FBXO33: variants seen among roughly 807,000 people sequenced by gnomAD.
FBXO33 encodes F-box protein 33.
FBXO33 carries 22 observed loss-of-function variants against 46.3 expected under a neutral mutation model. The ratio of observed to expected loss-of-function variants is 0.48; its 90% CI spans 0.34 to 0.68. The LOEUF (loss-of-function observed/expected upper bound fraction) is 0.68, where lower values mean the gene tolerates loss of function less well. Ranked by LOEUF, FBXO33 falls within the 30% of genes least tolerant of loss-of-function variation. The pLI, the probability that FBXO33 is intolerant of heterozygous loss-of-function variation, is 0.01. For synonymous variants in FBXO33, 337 were observed against 291.3 expected (o/e 1.16, Z -1.60); for missense variants, 692 against 708.8 (o/e 0.98, Z 0.27).
chr14:39,420,460 GC>G (rs2075476722), intron 1 of FBXO33, among the ~76,000 whole-genome samples: 2 of 152,200 alleles, frequency 1.3e-5, no homozygotes, highest in African/African-American at 2.4e-5. Context: ...GGAGGCCGGG[GC>G]GGGCGGATCA....
chr14:39,415,519 T>G (rs533794890), intron 1 of FBXO33, among the ~76,000 whole-genome samples: 27 of 152,338 alleles, frequency 1.8e-4, no homozygotes, highest in African/African-American at 5.8e-4. Flanking sequence ...CCATGTGGTA[T>G]ATATAATAGT....
chr14:39,407,671 T>A (rs967605882), intron 1 of FBXO33, among the ~76,000 whole-genome samples: 6 of 152,244 alleles, frequency 3.9e-5, no homozygotes, highest in Non-Finnish European at 8.8e-5. Flanking sequence ...ATTGCATGTC[T>A]ATATCACATT....
At chr14:39,411,335 G>C (rs1486456254) in intron 1 of FBXO33, among the ~76,000 whole-genome samples, 1 of 151,962 alleles carries the variant, frequency 6.6e-6, no homozygotes, top group South Asian at 2.1e-4. Context: ...CTCATGATCT[G>C]TATGCCTCGG....
At chr14:39,430,380 A>G (rs536615881) in intron 1 of FBXO33, among the ~76,000 whole-genome samples, 1 of 152,336 alleles carries the variant, frequency 6.6e-6, no homozygotes, top group Non-Finnish European at 1.5e-5. Context: ...ATACATATAT[A>G]TATATAACCT....
At chr14:39,410,472 A>C (rs1234414198) in intron 1 of FBXO33, among the ~76,000 whole-genome samples, 1 of 152,240 alleles carries the variant, frequency 6.6e-6, no homozygotes. Context: ...TATCAGAGAC[A>C]CTGACCTATA....
At chr14:39,401,101 G>T in intron 3 of FBXO33, 75 bp downstream of exon 3, 1 of 1,326,176 alleles carries the variant, frequency 7.5e-7, no homozygotes, top group Non-Finnish European at 1.0e-6. Flanking sequence ...ATAAAGGTCA[G>T]TGCTATCTCT....
intron 1 of FBXO33, among the ~76,000 whole-genome samples, chr14:39,405,687 C>T (rs1053243753): frequency 7.3e-5 from 11 of 151,712 alleles, no homozygotes; most frequent in African/African-American, 2.4e-4. Context: ...AAAGGGCAAA[C>T]CAACATTGTG....
chr14:39,399,736 G>C lies in FBXO33; in HGVS notation c.1448C>G (p.Ser483Cys). The C allele has an allele frequency of 1.2e-6, 2 of 1,611,862 alleles. No homozygotes were observed. The highest frequency in any genetic ancestry group is 1.7e-6 in the Non-Finnish European group (2 of 1,178,168). The change falls in exon 4 of 4, where the codon TCT becomes TGT. Residue 483 changes from serine (S) to cysteine (C), a missense_variant. Around this residue, in one of 3 missense-constraint regions of FBXO33, gnomAD observed 94 missense variants for 91.9 expected, o/e 1.02. Coordinates refer to ENST00000298097, the MANE Select transcript of FBXO33 (RefSeq NM_203301.4). ...NLIAIARLRG[S>C]DLKVLEVTEE... Reference sequence around the variant, plus strand: ...GGTGACTTCAAGCACTTTCAGATCAGAGCCCCGAAGACGAGCAATGGCAAT... The same window carrying C: ...GGTGACTTCAAGCACTTTCAGATCACAGCCCCGAAGACGAGCAATGGCAAT...
chr14:39,415,191 CTGGGAAGCCAAGG>C (rs964601786), intron 1 of FBXO33, among the ~76,000 whole-genome samples: 2 of 152,086 alleles, frequency 1.3e-5, no homozygotes, highest in African/African-American at 4.8e-5. Context: ...TCCAAGCACT[CTGGGAAGCCAAGG>C]TGAGGATCTC....
intron 1 of FBXO33, among the ~76,000 whole-genome samples, chr14:39,415,468 C>G (rs1021181355): frequency 6.6e-6 from 1 of 152,178 alleles, no homozygotes; most frequent in South Asian, 2.1e-4. Flanking sequence ...TGAATCATAA[C>G]AAAACAAGGT....
chr14:39,401,051 AG>A (rs1280050244), intron 3 of FBXO33, 124 bp downstream of exon 3: 1 of 873,038 alleles, frequency 1.1e-6, no homozygotes, highest in African/African-American at 1.7e-5. Flanking sequence ...AAAAAGCATA[AG>A]AATCTGTATA....
rs59546917 is a variant in FBXO33, at chr14:39,416,106, C to A, written c.600-13595G>T. Among the ~76,000 whole-genome samples the A allele has an allele frequency of 1.3e-5, 2 of 152,136 alleles. 1 individual carries two copies. Among genetic ancestry groups the A allele is most frequent in the South Asian group, 4.2e-4 (2 of 4,806 alleles). ...CATATGCTTTGTGTTATTTATTGTT[C>A]CTTTGTTTCATGTTGAAGAACTCCC... On this transcript the variant is annotated intron_variant, in intron 1 of 3. Transcript: ENST00000298097.
In FBXO33 at chr14:39,401,640, AGT is replaced by A. The variant is rs1417708967; in HGVS notation, c.930_931del (p.Leu311CysfsTer6). 6.2e-7 allele frequency: 1 copy of A among 1,614,086 alleles called. No individual in the cohort carries two copies. Among genetic ancestry groups the A allele is most frequent in the African/African-American group, 1.3e-5 (1 of 74,916 alleles). ...TGTAAAGTCACAAAAATCCAAGGCA[AGT>A]GAGTGCAGATTCACAAATCGCTCCA... On this transcript the variant is annotated frameshift_variant, in exon 3 of 4. Coordinates refer to ENST00000298097, the MANE Select transcript of FBXO33 (RefSeq NM_203301.4). LOFTEE classifies it high-confidence loss of function.
At chr14:39,429,740 C>G (rs752742412) in intron 1 of FBXO33, among the ~76,000 whole-genome samples, 1 of 152,026 alleles carries the variant, frequency 6.6e-6, no homozygotes, top group South Asian at 2.1e-4. Flanking sequence ...TTAGGGATGA[C>G]GGGTGTGATG....
chr14:39,400,140 A>C (rs2075362073), intron 3 of FBXO33, among the ~76,000 whole-genome samples: 1 of 152,256 alleles, frequency 6.6e-6, no homozygotes, highest in South Asian at 2.1e-4. Flanking sequence ...TGAAATTTTT[A>C]GTTCATATAT....
chr14:39,427,938 T>C (rs1381476778), intron 1 of FBXO33, among the ~76,000 whole-genome samples: 2 of 152,184 alleles, frequency 1.3e-5, no homozygotes, highest in Non-Finnish European at 2.9e-5. Flanking sequence ...AGCAAGACTC[T>C]GTCTCAAAAT....
At chr14:39,425,190 T>C (rs1047043810) in intron 1 of FBXO33, among the ~76,000 whole-genome samples, 1 of 152,236 alleles carries the variant, frequency 6.6e-6, no homozygotes, top group Admixed American at 6.5e-5. Context: ...TTAGGACTGT[T>C]TAGCACAATT....
intron 1 of FBXO33, among the ~76,000 whole-genome samples, chr14:39,426,126 ATTAT>A (rs1037021326): frequency 1.3e-4 from 20 of 152,094 alleles, no homozygotes; most frequent in African/African-American, 2.6e-4. Flanking sequence ...ATTTTTAAAA[ATTAT>A]TTATTTATTT....
chr14:39,427,727 C>T (rs911336976), intron 1 of FBXO33, among the ~76,000 whole-genome samples: 2 of 151,934 alleles, frequency 1.3e-5, no homozygotes, highest in African/African-American at 4.8e-5. Context: ...TCATATGAGG[C>T]CAGGTATTAG....
Sources: gnomAD v4.1 joint callset for allele counts (sites outside exome capture counted in the v4.1 genomes callset) on GRCh38, gnomAD v4.1.1 for gene constraint, gnomAD v4.1.1 regional missense constraint, MANE v1.5 for transcripts, NCBI Gene and HGNC (gene_info 2026-07-23, HGNC 2026-07-21) for gene names.